The following EPHB1 variants were observed in gnomAD, a reference collection of about 807,000 sequenced individuals.
EPHB1 encodes the protein EPH receptor B1, also known as ephrin type-B receptor 1.
In EPHB1, 30 loss-of-function variants were observed where a neutral mutation model predicts 94.4. That is an observed-to-expected ratio of 0.32 (90% CI 0.24 to 0.43). The LOEUF (loss-of-function observed/expected upper bound fraction) is 0.43. Among genes scored for constraint, EPHB1 ranks in the 20% least tolerant of loss-of-function variants. EPHB1 has a pLI of 1.00. For synonymous variants in EPHB1, 522 were observed against 489.1 expected (o/e 1.07, Z -0.89); for missense variants, 1,055 against 1,308.3 (o/e 0.81, Z 2.99).
intron 3 of EPHB1, among the ~76,000 whole-genome samples, chr3:135,046,543 G>T (rs1422375851): frequency 2.0e-5 from 3 of 152,216 alleles, no homozygotes; most frequent in African/African-American, 7.2e-5. Context: ...CAAGAGACCT[G>T]GTTCCCATTT....
intron 3 of EPHB1, among the ~76,000 whole-genome samples, chr3:135,086,350 T>C (rs1481308340): frequency 6.6e-6 from 1 of 151,572 alleles, no homozygotes. Context: ...GGGGAGGGTG[T>C]TCCTGAAACA....
At chr3:135,257,760 T>C (rs1451624619) in intron 15 of EPHB1, among the ~76,000 whole-genome samples, 1 of 151,516 alleles carries the variant, frequency 6.6e-6, no homozygotes, top group African/African-American at 2.4e-5. Flanking sequence ...GCTTCCCGGC[T>C]GCTTTGTTTA....
chr3:135,201,391 A>T, intron 11 of EPHB1, 83 bp from the exon 12 acceptor site: 1 of 1,420,008 alleles, frequency 7.0e-7, no homozygotes, highest in East Asian at 2.3e-5. Flanking sequence ...AGAAGCTGAC[A>T]AGCAGCAGGG....
intron 8 of EPHB1, among the ~76,000 whole-genome samples, chr3:135,166,363 G>A (rs1162734878): frequency 6.6e-6 from 1 of 152,162 alleles, no homozygotes; most frequent in Non-Finnish European, 1.5e-5. Context: ...AGTGACAGTT[G>A]CAAAATTGCA....
At chr3:134,858,321 G>T (rs1240071858) in intron 1 of EPHB1, among the ~76,000 whole-genome samples, 1 of 152,130 alleles carries the variant, frequency 6.6e-6, no homozygotes, top group African/African-American at 2.4e-5. Context: ...AAGACTTGAT[G>T]CCAGTGCTTT....
intron 15 of EPHB1, among the ~76,000 whole-genome samples, chr3:135,253,493 T>A (rs1329963464): frequency 6.6e-6 from 1 of 151,872 alleles, no homozygotes; most frequent in Non-Finnish European, 1.5e-5. Context: ...TGCTTGTTTT[T>A]CTCAGGTTTG....
At chr3:135,238,469 C>A (rs937810167) in intron 12 of EPHB1, among the ~76,000 whole-genome samples, 1 of 152,214 alleles carries the variant, frequency 6.6e-6, no homozygotes, top group African/African-American at 2.4e-5. Flanking sequence ...CAGGAGGGAG[C>A]GGCTCCACAG....
rs766930928 is a variant in EPHB1 at position 135,179,997 on chromosome 3, T to A, written c.1882+15T>A. On this transcript the variant is annotated intron_variant, in intron 10 of 15. Coordinates refer to ENST00000398015, the MANE Select transcript of EPHB1 (RefSeq NM_004441.5). ...CATCGGAGCAGGTATGGCTCTTCCCTGTCTTGTTTCTGTTCTCCTGGTGTC... is the reference window on the plus strand; with the variant it reads ...CATCGGAGCAGGTATGGCTCTTCCCAGTCTTGTTTCTGTTCTCCTGGTGTC... 6 of 1,613,440 alleles carry A rather than the reference T, an allele frequency of 3.7e-6. 1 individual carries two copies. The South Asian group carries it at 6.6e-5, about 18-fold the overall frequency.
At chr3:135,129,656 A>G (rs1370682933) in intron 4 of EPHB1, among the ~76,000 whole-genome samples, 2 of 152,198 alleles carry the variant, frequency 1.3e-5, no homozygotes, top group Non-Finnish European at 2.9e-5. Flanking sequence ...GACAAAGAGG[A>G]AGAGACTATC....
chr3:135,023,745 G>T (rs1250452388), intron 3 of EPHB1, among the ~76,000 whole-genome samples: 1 of 152,000 alleles, frequency 6.6e-6, no homozygotes, highest in East Asian at 1.9e-4. Flanking sequence ...TGTAGTATAT[G>T]CAGGCTTCAA....
chr3:135,058,424 A>G (rs1183374889), intron 3 of EPHB1, among the ~76,000 whole-genome samples: 1 of 152,130 alleles, frequency 6.6e-6, no homozygotes, highest in Non-Finnish European at 1.5e-5. Context: ...GGGCCAGGCC[A>G]CAATAGGGGC....
chr3:135,149,865 G>A (rs6809552), intron 5 of EPHB1, among the ~76,000 whole-genome samples: 6,164 of 152,226 alleles, frequency 0.04, 419 homozygotes, highest in African/African-American at 0.14. Context: ...CCCGAGTGCC[G>A]CTGACTGCTG....
intron 9 of EPHB1, among the ~76,000 whole-genome samples, chr3:135,168,246 G>A (rs1576441297): frequency 1.3e-5 from 2 of 152,240 alleles, no homozygotes; most frequent in African/African-American, 4.8e-5. Flanking sequence ...GGGAGTTGTG[G>A]GTTCTGCACT....
rs1023830216 is a variant in EPHB1 at position 135,162,075 on chromosome 3, G to T, written c.1480G>T (p.Asp494Tyr). The change falls in exon 7 of 16, where the codon GAT (aspartate) becomes TAT (tyrosine). Residue 494 changes from aspartate (D) to tyrosine (Y), a missense_variant. Coordinates refer to ENST00000398015, the MANE Select transcript of EPHB1 (RefSeq NM_004441.5). ...ARSQTNTARI[D>Y]GLRPGMVYVV... is the part of the protein sequence containing the mutation. ...GAGTCAGACCAACACAGCAAGGATT[G>T]ATGGGCTGCGGCCTGGCATGGTATA... 1.9e-6 allele frequency: 3 copies of T among 1,613,610 alleles called. No individual in the cohort carries two copies. The highest frequency in any genetic ancestry group is 2.5e-6 in the Non-Finnish European group (3 of 1,179,728).
chr3:135,075,719 C>T (rs953906931), intron 3 of EPHB1, among the ~76,000 whole-genome samples: 11 of 152,166 alleles, frequency 7.2e-5, no homozygotes, highest in African/African-American at 2.7e-4. Context: ...TATCCTGCCT[C>T]CACTCCATCA....
chr3:134,952,490 T>C lies in EPHB1; in HGVS notation c.805+438T>C, dbSNP rs942805824. Among the ~76,000 whole-genome samples, 12 of 151,966 alleles carry C rather than the reference T, an allele frequency of 7.9e-5. 1 individual carries two copies. Among genetic ancestry groups the C allele is most frequent in the South Asian group, 6.2e-4 (3 of 4,810 alleles). The stretch of plus-strand genomic sequence containing the variant: ...CCATGGACAATTCACTGAAGGGTAA[T>C]TGAGAAGGGACTGAATTTGGAAAAT... On this transcript the variant is annotated intron_variant, in intron 3 of 15. Coordinates refer to ENST00000398015, the MANE Select transcript of EPHB1 (RefSeq NM_004441.5).
Position 135,143,746 on chromosome 3 carries a change from T to C in EPHB1, c.1298-10406T>C, listed in dbSNP as rs550491442. Among the ~76,000 whole-genome samples, 6 of 152,330 alleles carry C rather than the reference T, an allele frequency of 3.9e-5. No homozygotes were observed. In the East Asian group the frequency reaches 7.7e-4, roughly 20 times the overall value. ...GCAGCCATCACAGTGCTTAGATGCC[T>C]GCCTGAAGAGTATCCTGCTCCACAG... On this transcript the variant is annotated intron_variant, in intron 5 of 15. Coordinates refer to ENST00000398015, the MANE Select transcript of EPHB1 (RefSeq NM_004441.5).
intron 2 of EPHB1, among the ~76,000 whole-genome samples, chr3:134,948,339 A>AAG (rs2039254315): frequency 6.6e-6 from 1 of 151,950 alleles, no homozygotes; most frequent in Admixed American, 6.6e-5. Context: ...TAAAAAAAAA[A>AAG]AAAAATTTCC....
At position 135,106,572 on chromosome 3, in the gene EPHB1, G is replaced by C; in HGVS notation, c.930G>C (p.Ala310=). The change falls in exon 4 of 16, where the codon GCG becomes GCC. Residue 310 remains alanine, a synonymous_variant. Transcript: ENST00000398015. The part of the protein sequence containing the change: ...ICTCRTGYYR[A]DFDPPEVACT... ...CCTGTCGGACCGGTTATTACCGAGC[G>C]GACTTTGACCCTCCAGAAGTGGCAT... The C allele has an allele frequency of 6.2e-7, 1 of 1,614,038 alleles. No homozygotes were observed. The highest frequency in any genetic ancestry group is 8.5e-7 in the Non-Finnish European group (1 of 1,179,904).
Sources: gnomAD v4.1 joint callset for allele counts (sites outside exome capture counted in the v4.1 genomes callset) on GRCh38, gnomAD v4.1.1 for gene constraint, MANE v1.5 for transcripts, NCBI Gene and HGNC (gene_info 2026-07-23, HGNC 2026-07-21) for gene names.